APBB1IP: variants seen among roughly 807,000 people sequenced by gnomAD.
APBB1IP encodes amyloid beta precursor protein binding family B member 1 interacting protein.
A neutral mutation model predicts 64.9 loss-of-function variants in APBB1IP; 27 were observed. The observed-to-expected ratio is 0.42, with a 90% confidence interval of 0.31 to 0.57. The LOEUF is 0.57. Among genes scored for constraint, APBB1IP ranks in the 20% least tolerant of loss-of-function variants. APBB1IP has a pLI of 0.20. For synonymous variants in APBB1IP, 392 were observed against 331.0 expected, an observed-to-expected ratio of 1.18 and a Z score of -2.00; for missense variants, 812 against 845.5, an observed-to-expected ratio of 0.96 and a Z score of 0.49.
intron 11 of APBB1IP, among the ~76,000 whole-genome samples, chr10:26,552,172 G>C (rs1331875288): frequency 6.6e-6 from 1 of 152,110 alleles, no homozygotes; most frequent in Non-Finnish European, 1.5e-5. Flanking sequence ...GTGGTAGCAT[G>C]CACCTATAGT....
chr10:26,482,326 G>A (rs540446187), intron 2 of APBB1IP, among the ~76,000 whole-genome samples: 61 of 152,206 alleles, frequency 4.0e-4, no homozygotes, highest in Admixed American at 2.0e-3. Context: ...CAGAAGCCTC[G>A]GCTTCCCCTT....
intron 3 of APBB1IP, among the ~76,000 whole-genome samples, chr10:26,495,061 G>C (rs1836003163): frequency 1.3e-5 from 2 of 149,520 alleles, no homozygotes; most frequent in African/African-American, 4.9e-5. Context: ...AGGCTGGAGT[G>C]CAGTGGCAAG....
intron 5 of APBB1IP, among the ~76,000 whole-genome samples, chr10:26,502,416 C>T (rs766098810): frequency 1.2e-4 from 18 of 151,986 alleles, no homozygotes; most frequent in Non-Finnish European, 1.9e-4. Flanking sequence ...CCGAGGTGGA[C>T]GGGTCATGAG....
At chr10:26,470,469 G>T (rs895163738) in intron 2 of APBB1IP, among the ~76,000 whole-genome samples, 1 of 152,172 alleles carries the variant, frequency 6.6e-6, no homozygotes, top group Admixed American at 6.5e-5. Flanking sequence ...AACCCAGGAA[G>T]AAGAGGTTGC....
chr10:26,497,186 A>AAAAAC (rs1381917380), intron 4 of APBB1IP, among the ~76,000 whole-genome samples: 2 of 151,992 alleles, frequency 1.3e-5, no homozygotes, highest in African/African-American at 2.4e-5. Flanking sequence ...CAAGAAAATA[A>AAAAAC]AAAACAAAAC....
At chr10:26,452,555 TG>T (rs758699697) in intron 2 of APBB1IP, among the ~76,000 whole-genome samples, 2 of 152,258 alleles carry the variant, frequency 1.3e-5, no homozygotes, top group Non-Finnish European at 2.9e-5. Context: ...GCCTGATTTT[TG>T]TAACCTATAA....
chr10:26,501,382 A>G (rs764065271), intron 5 of APBB1IP: 5 of 540,052 alleles, frequency 9.3e-6, no homozygotes, highest in Admixed American at 3.3e-5. Flanking sequence ...ATAAAACTCA[A>G]TCTTTTGGGG....
chr10:26,467,989 C>T (rs1326357584), intron 2 of APBB1IP, among the ~76,000 whole-genome samples: 1 of 152,196 alleles, frequency 6.6e-6, no homozygotes, highest in East Asian at 1.9e-4. Flanking sequence ...ACACATCAGA[C>T]ATTTGGCAAG....
intron 3 of APBB1IP, among the ~76,000 whole-genome samples, chr10:26,492,946 C>T (rs180906411): frequency 6.4e-4 from 97 of 152,252 alleles, no homozygotes; most frequent in Middle Eastern, 3.4e-3. Context: ...ACCCTGGGGG[C>T]GCTGCAGGAG....
chr10:26,513,555 C>T lies in APBB1IP; in HGVS notation c.708C>T (p.Asp236=), dbSNP rs1324969158. Residue 236 remains aspartate (D), a synonymous_variant, in exon 8 of 15, where the codon GAC becomes GAT. Coordinates refer to ENST00000376236, the MANE Select transcript of APBB1IP (RefSeq NM_019043.4). Reference sequence around the variant, plus strand: ...TTTCATCAGAGAGGTTTTTTGAAGACCATGAAAATGTTGTTGAAGTCTTAT... The same window carrying T: ...TTTCATCAGAGAGGTTTTTTGAAGATCATGAAAATGTTGTTGAAGTCTTAT... ...PELQIERFFE[D]HENVVEVLSD... The T allele has an allele frequency of 6.2e-7, 1 of 1,610,694 alleles. No individual in the cohort carries two copies. The highest frequency in any genetic ancestry group is 1.1e-5 in the South Asian group (1 of 89,944).
chr10:26,500,942 A>C lies in APBB1IP; in HGVS notation c.284A>C (p.His95Pro), dbSNP rs1346399812. ...AQKESLQNQH[H>P]SASLQASIFS... ...AAAGAGTCCTTGCAGAATCAACATC[A>C]TTCAGCATCTCTACAAGCATCAATT... Residue 95 changes from histidine (H) to proline (P), a missense_variant, in exon 5 of 15, where the codon CAT (histidine) becomes CCT (proline). This residue lies in a region of APBB1IP where 394 missense variants were observed against 413.1 expected (regional missense o/e 0.95). Coordinates refer to ENST00000376236, the MANE Select transcript of APBB1IP (RefSeq NM_019043.4). The C allele has an allele frequency of 1.9e-6, 3 of 1,614,082 alleles. No homozygotes were observed. The Admixed American group carries it at 5.0e-5, about 27-fold the overall frequency.
chr10:26,501,133 T>A (rs1309605715), intron 5 of APBB1IP, 22 bp downstream of exon 5: 1 of 1,613,952 alleles, frequency 6.2e-7, no homozygotes, highest in African/African-American at 1.3e-5. Flanking sequence ...GGACCAGAGA[T>A]GGCAGGACCA....
intron 6 of APBB1IP, among the ~76,000 whole-genome samples, chr10:26,505,729 A>G (rs1305267720): frequency 6.6e-6 from 1 of 151,904 alleles, no homozygotes; most frequent in Non-Finnish European, 1.5e-5. Context: ...CAAGACATCT[A>G]CCTATCTACC....
At chr10:26,536,017 A>C (rs1037231326) in intron 9 of APBB1IP, 57 bp from the exon 10 acceptor site, 2 of 1,511,890 alleles carry the variant, frequency 1.3e-6, no homozygotes, top group Admixed American at 4.8e-5. Context: ...AAATGTGAAT[A>C]AAAATGCGTG....
chr10:26,488,807 C>T (rs75901847), intron 2 of APBB1IP, among the ~76,000 whole-genome samples: 1,735 of 152,328 alleles, frequency 0.011, 28 homozygotes, highest in African/African-American at 0.032. Context: ...CCTAGACCTT[C>T]GGTGTTTTTC....
intron 11 of APBB1IP, among the ~76,000 whole-genome samples, chr10:26,552,089 A>C (rs1366355240): frequency 6.6e-6 from 1 of 152,218 alleles, no homozygotes; most frequent in Non-Finnish European, 1.5e-5. Context: ...GCTTGAGCCC[A>C]GGAGCTCGAG....
At chr10:26,534,643 G>A (rs1180154399) in intron 9 of APBB1IP, among the ~76,000 whole-genome samples, 1 of 152,116 alleles carries the variant, frequency 6.6e-6, no homozygotes, top group Non-Finnish European at 1.5e-5. Flanking sequence ...GCTTTTCACA[G>A]CCCGGTGCCA....
At chr10:26,538,141 A>T (rs539642924) in intron 10 of APBB1IP, among the ~76,000 whole-genome samples, 2 of 152,320 alleles carry the variant, frequency 1.3e-5, no homozygotes, top group South Asian at 2.1e-4. Context: ...AAACTGTTAG[A>T]ACCAAATAAA....
intron 14 of APBB1IP, among the ~76,000 whole-genome samples, chr10:26,564,944 G>A (rs1476191534): frequency 2.6e-5 from 4 of 152,340 alleles, no homozygotes; most frequent in Middle Eastern, 3.4e-3. Context: ...AGCCAAGCTT[G>A]TAATCGGCTC....
Sources: gnomAD v4.1 joint callset for allele counts (sites outside exome capture counted in the v4.1 genomes callset) on GRCh38, gnomAD v4.1.1 for gene constraint, gnomAD v4.1.1 regional missense constraint, MANE v1.5 for transcripts, NCBI Gene and HGNC (gene_info 2026-07-23, HGNC 2026-07-21) for gene names.